CHCHD6: variants seen among roughly 807,000 people sequenced by gnomAD.
The protein encoded by CHCHD6 is MICOS complex subunit MIC25.
A neutral mutation model predicts 32.3 loss-of-function variants in CHCHD6; 28 were observed. That is an observed-to-expected ratio of 0.87 (90% CI 0.64 to 1.19). The LOEUF is 1.19. Ranked by LOEUF, CHCHD6 falls within the 50% of genes most tolerant of loss-of-function variation. CHCHD6 has a pLI of 0.00. For missense variants in CHCHD6, 333 were observed against 307.0 expected, an observed-to-expected ratio of 1.08 and a Z score of -0.63; for synonymous variants, 122 against 117.5, an observed-to-expected ratio of 1.04 and a Z score of -0.25.
chr3:126,772,667 A>G (rs1384971179), intron 4 of CHCHD6, among the ~76,000 whole-genome samples: 1 of 152,154 alleles, frequency 6.6e-6, no homozygotes, highest in Non-Finnish European at 1.5e-5. Context: ...ACAGCATACC[A>G]TTGGGTCTTC....
rs557446043 is a variant in CHCHD6 at position 126,751,528 on chromosome 3, C to A, written c.411+18306C>A. On this transcript the variant is annotated intron_variant, in intron 4 of 7. Coordinates refer to ENST00000290913, the MANE Select transcript of CHCHD6 (RefSeq NM_032343.3). ...CAAAAAAAAAAAAAAAAAAAAAGCG[C>A]CTGCATTGCCCTAACTTGATTTTTA... Among the ~76,000 whole-genome samples, 19 of 148,366 alleles carry A rather than the reference C, an allele frequency of 1.3e-4. No individual in the cohort carries two copies. The East Asian group carries it at 3.4e-3, about 26-fold the overall frequency.
intron 4 of CHCHD6, among the ~76,000 whole-genome samples, chr3:126,815,978 TC>T (rs1939878815): frequency 6.6e-6 from 1 of 152,072 alleles, no homozygotes; most frequent in Admixed American, 6.6e-5. Context: ...GAAGGCACTT[TC>T]CCCCTTCCTC....
intron 5 of CHCHD6, among the ~76,000 whole-genome samples, chr3:126,913,232 TTTTTTTTTTTTTG>T (rs2078120839): frequency 3.1e-5 from 4 of 129,274 alleles, no homozygotes; most frequent in Non-Finnish European, 3.3e-5. Context: ...TTTTTTTTTT[TTTTTTTTTTTTTG>T]GGAGACGGAG....
intron 4 of CHCHD6, among the ~76,000 whole-genome samples, chr3:126,749,719 G>A (rs1162620436): frequency 3.3e-5 from 5 of 152,208 alleles, no homozygotes; most frequent in Admixed American, 3.3e-4. Flanking sequence ...AGGGGACACG[G>A]GCCATGTGAG....
At chr3:126,905,252 G>A (rs2077988561) in intron 5 of CHCHD6, among the ~76,000 whole-genome samples, 1 of 152,240 alleles carries the variant, frequency 6.6e-6, no homozygotes, top group African/African-American at 2.4e-5. Context: ...GATGATTGCA[G>A]TGGGAAATAC....
intron 4 of CHCHD6, among the ~76,000 whole-genome samples, chr3:126,818,317 G>A (rs953028876): frequency 7.2e-5 from 11 of 152,006 alleles, no homozygotes; most frequent in African/African-American, 2.7e-4. Flanking sequence ...CCACAAGGCC[G>A]AGCCCAGTCC....
intron 1 of CHCHD6, among the ~76,000 whole-genome samples, chr3:126,718,850 C>T (rs562161683): frequency 5.3e-5 from 8 of 152,332 alleles, no homozygotes; most frequent in African/African-American, 1.7e-4. Flanking sequence ...TGTTTATTCT[C>T]ACATGACTGC....
At chr3:126,865,851 C>A in intron 5 of CHCHD6, 1 of 644,724 alleles carries the variant, frequency 1.6e-6, no homozygotes. Context: ...AAACTGCAAC[C>A]TCTCTTGCAC....
chr3:126,732,325 G>A (rs1935849415), intron 3 of CHCHD6, among the ~76,000 whole-genome samples: 2 of 152,180 alleles, frequency 1.3e-5, no homozygotes, highest in East Asian at 1.9e-4. Context: ...TTTTTTGAAT[G>A]TCATAGATAA....
chr3:126,864,726 C>A (rs1318292954), intron 5 of CHCHD6, among the ~76,000 whole-genome samples: 7 of 149,246 alleles, frequency 4.7e-5, no homozygotes, highest in African/African-American at 1.7e-4. Flanking sequence ...CCACCATCAT[C>A]TCCTCTTCCT....
chr3:126,766,719 G>T (rs1446773598), intron 4 of CHCHD6: 2 of 1,155,222 alleles, frequency 1.7e-6, no homozygotes. Context: ...AGCCACAGAG[G>T]TCCTGCACTG....
chr3:126,809,896 A>G (rs865943710), intron 4 of CHCHD6, among the ~76,000 whole-genome samples: 8 of 152,320 alleles, frequency 5.3e-5, no homozygotes, highest in Middle Eastern at 3.4e-3. Flanking sequence ...TTTCAAACTG[A>G]TATTTTATCC....
intron 6 of CHCHD6, among the ~76,000 whole-genome samples, chr3:126,927,437 T>C (rs2078341137): frequency 6.6e-6 from 1 of 152,144 alleles, no homozygotes; most frequent in African/African-American, 2.4e-5. Context: ...GGGCGTCTCA[T>C]CCAGCCAGCT....
chr3:126,730,656 C>T (rs775823281), intron 3 of CHCHD6, 26 bp downstream of exon 3: 28 of 1,597,260 alleles, frequency 1.8e-5, no homozygotes, highest in East Asian at 2.2e-5. Context: ...TGCTTGCTCC[C>T]GGCACTGCGC....
At chr3:126,803,621 C>CTT (rs1323303168) in intron 4 of CHCHD6, among the ~76,000 whole-genome samples, 1 of 152,178 alleles carries the variant, frequency 6.6e-6, no homozygotes, top group East Asian at 1.9e-4. Context: ...TAATGGGAGA[C>CTT]TTTAACACCC....
At chr3:126,839,370 C>G (rs1210008931) in intron 4 of CHCHD6, among the ~76,000 whole-genome samples, 2 of 152,154 alleles carry the variant, frequency 1.3e-5, no homozygotes, top group Non-Finnish European at 2.9e-5. Context: ...AAGAACATAC[C>G]TATGCCAAGT....
At chr3:126,754,892 G>A (rs1469453225) in intron 4 of CHCHD6, among the ~76,000 whole-genome samples, 1 of 152,194 alleles carries the variant, frequency 6.6e-6, no homozygotes, top group Non-Finnish European at 1.5e-5. Flanking sequence ...AGAAGCTGAT[G>A]GGCAGGAAGG....
At chr3:126,739,514 G>C (rs1424273735) in intron 4 of CHCHD6, among the ~76,000 whole-genome samples, 1 of 152,180 alleles carries the variant, frequency 6.6e-6, no homozygotes, top group East Asian at 1.9e-4. Flanking sequence ...GAGTACCCAG[G>C]TGTCTCAAGA....
chr3:126,727,417 T>C (rs1281309055), intron 2 of CHCHD6, among the ~76,000 whole-genome samples: 1 of 152,182 alleles, frequency 6.6e-6, no homozygotes, highest in Non-Finnish European at 1.5e-5. Flanking sequence ...TGCCACTTTC[T>C]CCATGTGGGA....
Sources: allele counts gnomAD v4.1 joint callset (sites outside exome capture counted in the v4.1 genomes callset), GRCh38; gene constraint gnomAD v4.1.1; transcripts MANE v1.5; gene names NCBI Gene and HGNC (gene_info 2026-07-23, HGNC 2026-07-21).